The following CEP162 variants were observed in gnomAD, a reference collection of about 807,000 sequenced individuals.
CEP162 encodes the protein centrosomal protein of 162 kDa.
CEP162 carries 141 observed loss-of-function variants against 169.2 expected under a neutral mutation model. That is an observed-to-expected ratio of 0.83 (90% CI 0.73 to 0.96). The LOEUF (loss-of-function observed/expected upper bound fraction) is 0.96. Among genes scored for constraint, CEP162 ranks in the 40% least tolerant of loss-of-function variants. The probability of loss-of-function intolerance (pLI) is 0.00; values close to 1 mark genes in which losing one functional copy is unlikely to be tolerated. For missense variants in CEP162, 1,600 were observed against 1,587.2 expected, an observed-to-expected ratio of 1.01 and a Z score of -0.14; for synonymous variants, 540 against 526.4, an observed-to-expected ratio of 1.03 and a Z score of -0.35.
At chr6:84,137,644 C>G (rs549310127) in intron 25 of CEP162, among the ~76,000 whole-genome samples, 1 of 152,002 alleles carries the variant, frequency 6.6e-6, no homozygotes, top group Admixed American at 6.5e-5. Context: ...CCTTAGTTAT[C>G]CATAGGGATC....
intron 1 of CEP162, 73 bp downstream of exon 1, chr6:84,227,507 C>G (rs2099556203): frequency 6.6e-6 from 1 of 152,180 alleles, no homozygotes; most frequent in Non-Finnish European, 1.5e-5. Context: ...TAAAGCCCTT[C>G]GCTCGAGTAT....
At chr6:84,210,826 T>C (rs1328239416) in intron 6 of CEP162, among the ~76,000 whole-genome samples, 1 of 152,108 alleles carries the variant, frequency 6.6e-6, no homozygotes, top group Admixed American at 6.5e-5. Flanking sequence ...ACTAGGGGCA[T>C]TGGGATGTGC....
At chr6:84,162,038 A>T (rs1472004919) in intron 19 of CEP162, 129 bp from the exon 20 acceptor site, 1 of 626,630 alleles carries the variant, frequency 1.6e-6, no homozygotes, top group East Asian at 2.8e-5. Flanking sequence ...AAGAAGCATA[A>T]AACAACTGAT....
intron 11 of CEP162, among the ~76,000 whole-genome samples, chr6:84,188,203 C>A (rs558125710): frequency 6.6e-6 from 1 of 151,108 alleles, no homozygotes; most frequent in African/African-American, 2.4e-5. Flanking sequence ...ATTAGAGGGA[C>A]AAGGAATCAA....
intron 25 of CEP162, among the ~76,000 whole-genome samples, chr6:84,132,608 G>A (rs1277869956): frequency 6.6e-6 from 1 of 151,936 alleles, no homozygotes; most frequent in South Asian, 2.1e-4. Flanking sequence ...TTCAATCACT[G>A]ATACCCTTTC....
intron 2 of CEP162, among the ~76,000 whole-genome samples, chr6:84,223,193 T>C (rs900696769): frequency 2.0e-5 from 3 of 152,298 alleles, no homozygotes; most frequent in Non-Finnish European, 4.4e-5. Flanking sequence ...TTAATGAATA[T>C]GATTCATTAA....
rs200237332 is a variant in CEP162 at position 84,190,232 on chromosome 6, G to A, written c.1109+3377C>T. 3.7e-4 allele frequency among the ~76,000 whole-genome samples: 57 copies of A among 152,222 alleles called. 1 individual carries two copies. In the East Asian group the frequency reaches 0.01, roughly 28 times the overall value. On this transcript the variant is annotated intron_variant, in intron 11 of 26. Coordinates refer to ENST00000403245, the MANE Select transcript of CEP162 (RefSeq NM_014895.4). Reference sequence around the variant, plus strand: ...TGGAGAACCTGTGTGTTGAAACTCTGTATCTAACTAATCTGATGGGGACGT... The same window carrying A: ...TGGAGAACCTGTGTGTTGAAACTCTATATCTAACTAATCTGATGGGGACGT...
Position 84,168,069 on chromosome 6 carries a change from T to G in CEP162, c.2385+1259A>C, listed in dbSNP as rs560040000. 3.3e-5 allele frequency among the ~76,000 whole-genome samples: 5 copies of G among 152,292 alleles called. No individual in the cohort carries two copies. The East Asian group carries it at 5.8e-4, about 18-fold the overall frequency. ...TTTTTTTTCCCAGTATCTTTTGGTGTTGTTAGTGGGAGTTTTCAAATTTTC... is the reference window on the plus strand; with the variant it reads ...TTTTTTTTCCCAGTATCTTTTGGTGGTGTTAGTGGGAGTTTTCAAATTTTC... On this transcript the variant is annotated intron_variant, in intron 18 of 26. Transcript: ENST00000403245.
chr6:84,220,728 A>T (rs548511510), intron 3 of CEP162, among the ~76,000 whole-genome samples: 1 of 152,198 alleles, frequency 6.6e-6, no homozygotes, highest in African/African-American at 2.4e-5. Context: ...ATGCAATGAC[A>T]TTAATATACT....
chr6:84,197,437 G>T lies in CEP162; in HGVS notation c.836-2362C>A, dbSNP rs2099542600. ...TATCATGAAAAGGGGTTCCTTATCTGCCTTTTACATTGAAAACAGAAGACT... is the reference window on the plus strand; with the variant it reads ...TATCATGAAAAGGGGTTCCTTATCTTCCTTTTACATTGAAAACAGAAGACT... On this transcript the variant is annotated intron_variant, in intron 9 of 26. Transcript: ENST00000403245. Among the ~76,000 whole-genome samples the T allele has an allele frequency of 3.3e-5, 5 of 151,988 alleles. No individual in the cohort carries two copies. The South Asian group carries it at 1.0e-3, about 32-fold the overall frequency.
At chr6:84,153,744 T>C (rs1052936466) in intron 22 of CEP162, among the ~76,000 whole-genome samples, 3 of 152,196 alleles carry the variant, frequency 2.0e-5, no homozygotes, top group African/African-American at 7.2e-5. Context: ...AATGGATATT[T>C]ACCAAGTTAT....
rs1023423494 is a variant in CEP162 at position 84,176,722 on chromosome 6, A to G, written c.1664-1375T>C. Among the ~76,000 whole-genome samples the G allele has an allele frequency of 2.1e-4, 32 of 152,234 alleles. 1 individual carries two copies. Among genetic ancestry groups the G allele is most frequent in the Middle Eastern group, 3.4e-3 (1 of 294 alleles). Reference sequence around the variant, plus strand: ...TACTCCAAAATCCAATGAAATCTGAAATTTGAAACACTTCTGGTCCCAGGC... The same window carrying G: ...TACTCCAAAATCCAATGAAATCTGAGATTTGAAACACTTCTGGTCCCAGGC... On this transcript the variant is annotated intron_variant, in intron 13 of 26. Transcript: ENST00000403245.
chr6:84,143,762 T>A (rs2099517675), intron 25 of CEP162, among the ~76,000 whole-genome samples: 1 of 152,028 alleles, frequency 6.6e-6, no homozygotes, highest in South Asian at 2.1e-4. Context: ...AAACTGGTTT[T>A]CTCTCTTAAA....
At chr6:84,219,599 A>AT (rs1464282821) in intron 3 of CEP162, among the ~76,000 whole-genome samples, 1 of 152,238 alleles carries the variant, frequency 6.6e-6, no homozygotes, top group Admixed American at 6.5e-5. Context: ...AGTCTAAAAC[A>AT]TAATTCTTCA....
At chr6:84,177,934 G>C (rs1430006453) in intron 13 of CEP162, among the ~76,000 whole-genome samples, 2 of 152,222 alleles carry the variant, frequency 1.3e-5, no homozygotes, top group Non-Finnish European at 2.9e-5. Context: ...GTTATTTAGT[G>C]GCCAAGTTGA....
At chr6:84,174,550 T>C (rs949051139) in intron 15 of CEP162, among the ~76,000 whole-genome samples, 177 bp downstream of exon 15, 15 of 152,088 alleles carry the variant, frequency 9.9e-5, no homozygotes, top group African/African-American at 3.4e-4. Flanking sequence ...CCCCCAAGGG[T>C]TCAAAATTTA....
At chr6:84,135,069 G>GA (rs957896448) in intron 25 of CEP162, among the ~76,000 whole-genome samples, 3 of 151,810 alleles carry the variant, frequency 2.0e-5, no homozygotes, top group Non-Finnish European at 4.4e-5. Context: ...CACAATATTT[G>GA]TATTTATTTA....
intron 13 of CEP162, among the ~76,000 whole-genome samples, chr6:84,182,450 C>T (rs1419932543): frequency 2.0e-5 from 3 of 152,022 alleles, no homozygotes; most frequent in African/African-American, 7.2e-5. Flanking sequence ...AGGAAAACAA[C>T]AACATGGTTG....
Position 84,155,302 on chromosome 6 carries a change from A to G in CEP162, c.2990T>C (p.Met997Thr). Residue 997 changes from methionine to threonine, a missense_variant, in exon 22 of 27, where the codon ATG becomes ACG. Transcript: ENST00000403245. Reference sequence around the variant, plus strand: ...CTGAGGCTACTTACCACTTACCTTCATTTTCTGAAACTGTTGTTCCATGGT... The same window carrying G: ...CTGAGGCTACTTACCACTTACCTTCGTTTTCTGAAACTGTTGTTCCATGGT... ...LRTMEQQFQK[M>T]KIQYEQRLEQ... 1.2e-6 allele frequency: 2 copies of G among 1,612,590 alleles called. No individual in the cohort carries two copies. The highest frequency in any genetic ancestry group is 1.7e-6 in the Non-Finnish European group (2 of 1,179,206).
Sources: gnomAD v4.1 joint callset for allele counts (sites outside exome capture counted in the v4.1 genomes callset) on GRCh38, gnomAD v4.1.1 for gene constraint, MANE v1.5 for transcripts, NCBI Gene and HGNC (gene_info 2026-07-23, HGNC 2026-07-21) for gene names.